DMD: variants seen among roughly 807,000 people sequenced by gnomAD.
DMD encodes the protein dystrophin.
In DMD, 63 loss-of-function variants were observed where a neutral mutation model predicts 330.1. That is an observed-to-expected ratio of 0.19 (90% CI 0.16 to 0.24). The LOEUF (loss-of-function observed/expected upper bound fraction) is 0.24, where lower values mean the gene tolerates loss of function less well. DMD is among the 10% of genes least tolerant of loss of function. The pLI is 1.00. For missense variants in DMD, 3,344 were observed against 2,684.1 expected (o/e 1.25, Z -5.43); for synonymous variants, 1,223 against 959.8 (o/e 1.27, Z -5.07).
intron 47 of DMD, among the ~76,000 whole-genome samples, chrX:31,924,631 T>C (rs925497255): frequency 1.1e-4 from 12 of 112,121 alleles, no homozygotes; most frequent in African/African-American, 3.6e-4. Context: ...TTATCAATAT[T>C]ACAAAAATTA....
rs761852250 is a variant in DMD at position 32,854,042 on chromosome X, G to A, written c.94-4222C>T. Among the ~76,000 whole-genome samples, 4 of 111,405 alleles carry A rather than the reference G, an allele frequency of 3.6e-5. No homozygotes were observed. The South Asian group carries it at 1.1e-3, about 31-fold the overall frequency. On this transcript the variant is annotated intron_variant, in intron 2 of 78. Transcript: ENST00000357033. ...AGATATACCAATTGTAAATATATACGTACCGAACACTGGAGCACCCAGATA... is the reference window on the plus strand; with the variant it reads ...AGATATACCAATTGTAAATATATACATACCGAACACTGGAGCACCCAGATA...
rs768977119 is a variant in DMD at position 32,464,616 on chromosome X, T to C, written c.3246A>G (p.Glu1082=). 8.3e-7 allele frequency: 1 copy of C among 1,209,475 alleles called. No individual in the cohort carries two copies. The highest frequency in any genetic ancestry group is 1.1e-6 in the Non-Finnish European group (1 of 893,392). The change falls in exon 24 of 79, where the codon GAA becomes GAG. Residue 1082 remains glutamate (E), a synonymous_variant. Transcript: ENST00000357033. The part of the protein sequence containing the change: ...KEEWPALGDS[E]ILKKQLKQCR... The stretch of plus-strand genomic sequence containing the variant: ...ACTGTTTCAGCTGCTTTTTTAGAAT[T>C]TCTGAATCCCCAAGGGCAGGCCATT...
chrX:31,710,765 T>A (rs2084568334), intron 52 of DMD, among the ~76,000 whole-genome samples: 1 of 111,814 alleles, frequency 8.9e-6, no homozygotes, highest in East Asian at 2.8e-4. Context: ...CTAGGTAAAC[T>A]ACTAAAATTT....
At chrX:31,283,311 T>C (rs2052765749) in intron 62 of DMD, among the ~76,000 whole-genome samples, 1 of 111,886 alleles carries the variant, frequency 8.9e-6, no homozygotes, top group Admixed American at 9.5e-5. Context: ...ATTTATGTGT[T>C]TCTTTTCCAT....
At chrX:32,756,523 A>G (rs1380108948) in intron 7 of DMD, 2 of 111,783 alleles carry the variant, frequency 1.8e-5, no homozygotes, top group African/African-American at 3.3e-5. Context: ...GCAACTTGAT[A>G]TGATGTCAAT....
chrX:32,069,352 G>A (rs2147775165), intron 44 of DMD, among the ~76,000 whole-genome samples: 1 of 111,600 alleles, frequency 9.0e-6, no homozygotes, highest in South Asian at 3.7e-4. Context: ...AAGGAAGAAT[G>A]TCAGATTTTT....
At chrX:33,192,197 C>T (rs780484312) in intron 1 of DMD, among the ~76,000 whole-genome samples, 8 of 111,794 alleles carry the variant, frequency 7.2e-5, no homozygotes, top group Non-Finnish European at 1.1e-4. Context: ...CTTTTTTACC[C>T]TTTTGTGTAA....
At chrX:32,408,721 T>C (rs1416092384) in intron 30 of DMD, among the ~76,000 whole-genome samples, 2 of 111,840 alleles carry the variant, frequency 1.8e-5, no homozygotes, top group Non-Finnish European at 3.8e-5. Flanking sequence ...AAATATACCA[T>C]TTATGAGAAA....
chrX:32,385,460 A>T (rs929895974), intron 33 of DMD, among the ~76,000 whole-genome samples: 13 of 110,915 alleles, frequency 1.2e-4, no homozygotes, highest in African/African-American at 3.9e-4. Context: ...AAAACAGGAA[A>T]AAGCTTCCTG....
chrX:32,003,858 G>A (rs1398161112), intron 44 of DMD, among the ~76,000 whole-genome samples: 1 of 111,199 alleles, frequency 9.0e-6, no homozygotes, highest in Admixed American at 9.6e-5. Flanking sequence ...ATAAAGAAAT[G>A]ACCGTAGTTC....
rs1195839394 is a variant in DMD at position 31,951,141 on chromosome X, GTGTATATATATATATATGTA to G, written c.6614+17178_6614+17197del. On this transcript the variant is annotated intron_variant, in intron 45 of 78. Transcript: ENST00000357033. Reference sequence around the variant, plus strand: ...TATATACATATATATATATATATATGTGTATATATATATATATGTATATATATATATATGTATATATATAT... The same window carrying G: ...TATATACATATATATATATATATATGTATATATATATATGTATATATATAT... Among the ~76,000 whole-genome samples the G allele has an allele frequency of 1.4e-4, 10 of 72,823 alleles. 1 individual carries two copies. The highest frequency in any genetic ancestry group is 5.9e-4 in the African/African-American group (10 of 16,817). 63.2% of individuals were successfully genotyped at this position (72,823 alleles called of 115,157 possible). A position where few individuals can be genotyped will look rare whatever the true frequency, so the allele number is the denominator to read the frequency against.
intron 55 of DMD, among the ~76,000 whole-genome samples, chrX:31,530,119 T>TA (rs200082425): frequency 9.2e-4 from 103 of 111,744 alleles, no homozygotes; most frequent in African/African-American, 3.3e-3. Flanking sequence ...ATTTTATGTT[T>TA]AAAAAAATGG....
intron 2 of DMD, among the ~76,000 whole-genome samples, chrX:32,933,512 T>G (rs151175899): frequency 0.011 from 1,234 of 112,175 alleles, 15 homozygotes; most frequent in Non-Finnish European, 0.018. Flanking sequence ...GAACAAAATA[T>G]GCACAATTTA....
intron 76 of DMD, among the ~76,000 whole-genome samples, chrX:31,137,890 T>C (rs764735473): frequency 4.5e-5 from 5 of 110,776 alleles, no homozygotes; most frequent in African/African-American, 6.6e-5. Context: ...GTTGCACAAG[T>C]ATTTGAGGGA....
chrX:32,898,834 A>C (rs1377370585), intron 2 of DMD, among the ~76,000 whole-genome samples: 1 of 111,251 alleles, frequency 9.0e-6, no homozygotes, highest in Non-Finnish European at 1.9e-5. Flanking sequence ...TCCTCTGGGA[A>C]TGGGAAATAA....
At chrX:32,722,787 C>T (rs1430489357) in intron 7 of DMD, among the ~76,000 whole-genome samples, 1 of 109,823 alleles carries the variant, frequency 9.1e-6, no homozygotes, top group Non-Finnish European at 1.9e-5. Context: ...TTTTGTATTC[C>T]ACTACTTACT....
intron 52 of DMD, among the ~76,000 whole-genome samples, chrX:31,683,660 T>C (rs1229405012): frequency 9.0e-6 from 1 of 111,065 alleles, no homozygotes; most frequent in African/African-American, 3.3e-5. Context: ...AAATACAACG[T>C]AAAAAGAATA....
intron 55 of DMD, among the ~76,000 whole-genome samples, chrX:31,565,444 G>A (rs906492962): frequency 8.9e-6 from 1 of 112,127 alleles, no homozygotes; most frequent in Non-Finnish European, 1.9e-5. Flanking sequence ...TGTGGAGATT[G>A]ATCTAAAAGT....
chrX:31,397,012 AGT>A (rs1472801660), intron 60 of DMD, among the ~76,000 whole-genome samples: 2 of 111,773 alleles, frequency 1.8e-5, no homozygotes, highest in Non-Finnish European at 3.8e-5. Context: ...CTAGATTTAG[AGT>A]GTGTCTTATG....
Sources: gnomAD v4.1 joint callset for allele counts (sites outside exome capture counted in the v4.1 genomes callset) on GRCh38, gnomAD v4.1.1 for gene constraint, MANE v1.5 for transcripts, NCBI Gene and HGNC (gene_info 2026-07-23, HGNC 2026-07-21) for gene names.